The following PDCD7 variants were observed in gnomAD, a reference collection of about 807,000 sequenced individuals.
PDCD7 encodes the protein programmed cell death protein 7.
PDCD7 carries 40 observed loss-of-function variants against 42.1 expected under a neutral mutation model. The observed-to-expected ratio is 0.95, with a 90% CI of 0.74 to 1.24. PDCD7 has a LOEUF of 1.24. Among genes scored for constraint, PDCD7 ranks in the 50% most tolerant of loss-of-function variants. The probability of loss-of-function intolerance (pLI) is 0.00; values close to 1 mark genes in which losing one functional copy is unlikely to be tolerated. For synonymous variants in PDCD7, 299 were observed against 303.3 expected, an observed-to-expected ratio of 0.99 and a Z score of 0.15; for missense variants, 644 against 662.8, an observed-to-expected ratio of 0.97 and a Z score of 0.31.
rs2087555428 is a variant in PDCD7 at position 65,133,044 on chromosome 15, C to T, written c.738G>A (p.Arg246=). Residue 246 remains arginine (R), a synonymous_variant, in exon 1 of 5, where the codon CGG becomes CGA. Coordinates refer to ENST00000204549, the MANE Select transcript of PDCD7 (RefSeq NM_005707.2). ...RRRLERVRRR[R]LRLRERARER... is the part of the protein sequence containing the mutation. ...CCCGGGCCCTCTCGCGAAGCCGCAGCCGGCGGCGCCGGACCCTCTCCAGCC... is the reference window on the plus strand; with the variant it reads ...CCCGGGCCCTCTCGCGAAGCCGCAGTCGGCGGCGCCGGACCCTCTCCAGCC... 6.3e-7 allele frequency: 1 copy of T among 1,590,994 alleles called. No individual in the cohort carries two copies. The highest frequency in any genetic ancestry group is 1.7e-5 in the Admixed American group (1 of 58,722).
At chr15:65,128,428 T>G (rs141360153) in intron 2 of PDCD7, among the ~76,000 whole-genome samples, 1 of 152,046 alleles carries the variant, frequency 6.6e-6, no homozygotes, top group Non-Finnish European at 1.5e-5. Flanking sequence ...GAAAGCACAA[T>G]TGGGTAACTT....
Position 65,133,737 on chromosome 15 carries a change from C to T in PDCD7, c.45G>A (p.Pro15=), listed in dbSNP as rs2087564776. ...PFFGQGRPGP[P]PPQPPPPAPF... The stretch of plus-strand genomic sequence containing the variant: ...GAGCAGGAGGCGGCGGCTGCGGGGG[C>T]GGTGGGCCTGGGCGACCCTGGCCGA... Residue 15 remains proline (P), a synonymous_variant, in exon 1 of 5, where the codon CCG becomes CCA. Coordinates refer to ENST00000204549, the MANE Select transcript of PDCD7 (RefSeq NM_005707.2). The T allele has an allele frequency of 3.0e-6, 4 of 1,315,140 alleles. No individual in the cohort carries two copies. Among genetic ancestry groups the T allele is most frequent in the South Asian group, 2.4e-5 (1 of 42,476 alleles). 81.5% of individuals were successfully genotyped at this position (1,315,140 alleles called of 1,614,324 possible).
rs1035177213 is a variant in PDCD7, at chr15:65,133,315, C to T, written c.467G>A (p.Arg156Gln). ...WLEAVFGTPR[R>Q]AGCPVPQRTH... ...GCGCTGGGGCACCGGACAGCCTGCC[C>T]GCCGCGGGGTCCCGAACACCGCCTC... The change falls in exon 1 of 5, where the codon CGG (arginine) becomes CAG (glutamine). Residue 156 changes from arginine (R) to glutamine (Q), a missense_variant. Physicochemically the swap from Arg to Gln is conservative, Grantham distance 43. Transcript: ENST00000204549. 40 of 1,293,802 alleles carry T rather than the reference C, an allele frequency of 3.1e-5. 1 individual carries two copies. The highest frequency in any genetic ancestry group is 5.7e-4 in the Middle Eastern group (2 of 3,534). The allele number at this position is 1,293,802 out of a possible 1,614,324, so 80.1% of individuals were successfully genotyped here.
chr15:65,119,962 G>C lies in PDCD7; in HGVS notation c.1010-8C>G. 1 of 1,591,968 alleles carries C rather than the reference G, an allele frequency of 6.3e-7. No homozygotes were observed. Among genetic ancestry groups the C allele is most frequent in the Non-Finnish European group, 8.5e-7 (1 of 1,173,898 alleles). ...AGGCTGGAGGACAGACCCCTGGGCA[G>C]ACAGGACAAAATGGCATTTTATTTA... On this transcript the variant is annotated splice_polypyrimidine_tract_variant and splice_region_variant and intron_variant, in intron 2 of 4. Transcript: ENST00000204549.
In PDCD7 at chr15:65,133,698, C is replaced by T; in HGVS notation, c.84G>A (p.Pro28=). ...QPPPPAPFGC[P]PPPLPSPAFP... Reference sequence around the variant, plus strand: ...AAGCCGGGGAGGGCAGCGGCGGTGGCGGACAGCCGAAAGGAGCAGGAGGCG... The same window carrying T: ...AAGCCGGGGAGGGCAGCGGCGGTGGTGGACAGCCGAAAGGAGCAGGAGGCG... The change falls in exon 1 of 5, where the codon CCG becomes CCA. Residue 28 remains proline (P), a synonymous_variant. Transcript: ENST00000204549. 7.8e-7 allele frequency: 1 copy of T among 1,277,706 alleles called. No individual in the cohort carries two copies. The allele number at this position is 1,277,706 out of a possible 1,614,324, so 79.1% of individuals were successfully genotyped here.
chr15:65,121,888 A>G (rs2087457638), intron 2 of PDCD7, among the ~76,000 whole-genome samples: 1 of 152,218 alleles, frequency 6.6e-6, no homozygotes, highest in African/African-American at 2.4e-5. Context: ...CTTAATGAAT[A>G]TTTGAGTGGA....
At position 65,132,992 on chromosome 15, in the gene PDCD7, C is replaced by T. The variant is rs771332013; in HGVS notation, c.790G>A (p.Ala264Thr). The T allele has an allele frequency of 3.7e-6, 6 of 1,604,868 alleles. No individual in the cohort carries two copies. Among genetic ancestry groups the T allele is most frequent in the Non-Finnish European group, 5.1e-6 (6 of 1,179,664 alleles). Residue 264 changes from alanine (A) to threonine (T), a missense_variant, in exon 1 of 5, where the codon GCC becomes ACC. Transcript: ENST00000204549. ...REREAEREAE[A>T]ARAVEREQEI... Reference sequence around the variant, plus strand: ...TGCTCGCGTTCCACTGCCCGCGCGGCCTCTGCCTCCCGCTCGGCCTCGCGT... The same window carrying T: ...TGCTCGCGTTCCACTGCCCGCGCGGTCTCTGCCTCCCGCTCGGCCTCGCGT...
At chr15:65,129,285 T>C in intron 1 of PDCD7, 115 bp from the exon 2 acceptor site, 18 of 1,137,894 alleles carry the variant, frequency 1.6e-5, no homozygotes, top group Non-Finnish European at 2.3e-5. Context: ...TAAGAGAGAC[T>C]CTATTGAATC....
Position 65,133,290 on chromosome 15 carries a change from G to T in PDCD7, c.492C>A (p.Arg164=). The change falls in exon 1 of 5, where the codon CGC becomes CGA. Residue 164 remains arginine, a synonymous_variant. Coordinates refer to ENST00000204549, the MANE Select transcript of PDCD7 (RefSeq NM_005707.2). ...PRRAGCPVPQ[R]THAGPSLGEV... ...CGCCAAGGCTGGGCCCGGCATGCGTGCGCTGGGGCACCGGACAGCCTGCCC... is the reference window on the plus strand; with the variant it reads ...CGCCAAGGCTGGGCCCGGCATGCGTTCGCTGGGGCACCGGACAGCCTGCCC... 7.6e-7 allele frequency: 1 copy of T among 1,318,652 alleles called. No individual in the cohort carries two copies. 81.7% of individuals were successfully genotyped at this position (1,318,652 alleles called of 1,614,324 possible). A position where few individuals can be genotyped will look rare whatever the true frequency, so the allele number is the denominator to read the frequency against.
intron 2 of PDCD7, among the ~76,000 whole-genome samples, chr15:65,121,341 C>T (rs574908505): frequency 1.8e-4 from 28 of 152,300 alleles, no homozygotes; most frequent in African/African-American, 6.7e-4. Context: ...GCGTGAACCA[C>T]CATACCTGGC....
chr15:65,127,820 C>T (rs1229961304), intron 2 of PDCD7, among the ~76,000 whole-genome samples: 1 of 152,192 alleles, frequency 6.6e-6, no homozygotes, highest in East Asian at 1.9e-4. Context: ...CAGAAGTTTA[C>T]TGAGCACTCA....
At chr15:65,119,184 A>G (rs554996295) in intron 4 of PDCD7, 192 bp downstream of exon 4, 7 of 522,730 alleles carry the variant, frequency 1.3e-5, no homozygotes, top group African/African-American at 1.1e-4. Context: ...CTTCTCAAGG[A>G]CTAATGAGGA....
intron 4 of PDCD7, 127 bp from the exon 5 acceptor site, chr15:65,118,967 T>C: frequency 3.3e-6 from 2 of 607,578 alleles, no homozygotes; most frequent in Non-Finnish European, 5.1e-6. Context: ...GAACTTGATT[T>C]CTAGGAATCA....
intron 2 of PDCD7, among the ~76,000 whole-genome samples, chr15:65,126,780 A>C (rs2087499834): frequency 2.0e-5 from 3 of 151,788 alleles, no homozygotes; most frequent in African/African-American, 7.3e-5. Context: ...CAAAAAAAAA[A>C]AGCTATCTTC....
chr15:65,131,401 T>C (rs369603194), intron 1 of PDCD7, among the ~76,000 whole-genome samples: 31 of 152,188 alleles, frequency 2.0e-4, no homozygotes, highest in East Asian at 1.7e-3. Flanking sequence ...GTAATAATAA[T>C]AGAAATAATG....
intron 1 of PDCD7, among the ~76,000 whole-genome samples, chr15:65,131,218 G>C (rs539265961): frequency 1.3e-5 from 2 of 152,178 alleles, no homozygotes; most frequent in African/African-American, 4.8e-5. Flanking sequence ...AGTGAACTGC[G>C]CATGGAAGGG....
intron 2 of PDCD7, among the ~76,000 whole-genome samples, chr15:65,128,428 T>C (rs141360153): frequency 2.6e-5 from 4 of 152,164 alleles, no homozygotes; most frequent in Admixed American, 6.5e-5. Flanking sequence ...GAAAGCACAA[T>C]TGGGTAACTT....
intron 2 of PDCD7, among the ~76,000 whole-genome samples, chr15:65,126,001 G>A (rs951967159): frequency 1.4e-4 from 22 of 152,148 alleles, no homozygotes; most frequent in Admixed American, 1.4e-3. Flanking sequence ...TGAGACTTAT[G>A]ATCACAAGAA....
intron 1 of PDCD7, among the ~76,000 whole-genome samples, chr15:65,132,636 T>C (rs902264561): frequency 5.7e-4 from 87 of 152,206 alleles, no homozygotes; most frequent in Admixed American, 1.4e-3. Context: ...GTGGACAATG[T>C]TGGAGCAGGA....
Sources: allele counts gnomAD v4.1 joint callset (sites outside exome capture counted in the v4.1 genomes callset), GRCh38; gene constraint gnomAD v4.1.1; transcripts MANE v1.5; gene names NCBI Gene and HGNC (gene_info 2026-07-23, HGNC 2026-07-21).